The following TMEM272 variants were observed in gnomAD, a reference collection of about 807,000 sequenced individuals.
TMEM272 encodes the protein long intergenic non-protein coding RNA 282.
In TMEM272, 8 loss-of-function variants were observed where a neutral mutation model predicts 3.7. That is an observed-to-expected ratio of 2.17 (90% confidence interval 1.27 to 3.91). The LOEUF is 3.91. TMEM272 is among the 30% of genes most tolerant of loss of function. The probability of loss-of-function intolerance (pLI) is 0.00; values close to 1 mark genes in which losing one functional copy is unlikely to be tolerated. For synonymous variants in TMEM272, 63 were observed against 39.8 expected (o/e 1.58, Z -2.20); for missense variants, 166 against 91.5 (o/e 1.81, Z -3.32).
the TMEM272 span, among the ~76,000 whole-genome samples, chr13:51,873,086 CG>C: frequency 6.6e-6 from 1 of 152,062 alleles, no homozygotes; most frequent in Non-Finnish European, 1.5e-5. Context: ...ATGGAGCAGT[CG>C]GAAGTCATTA....
At chr13:51,913,719 C>A in the TMEM272 span, among the ~76,000 whole-genome samples, 2 of 152,204 alleles carry the variant, frequency 1.3e-5, no homozygotes. Flanking sequence ...CCAGGAAATA[C>A]AGCCTGCCCT....
chr13:51,892,245 G>C, the TMEM272 span, among the ~76,000 whole-genome samples: 1 of 152,180 alleles, frequency 6.6e-6, no homozygotes, highest in South Asian at 2.1e-4. Context: ...ATCTTTTCCT[G>C]TCAACCATCA....
At chr13:51,850,042 A>G (rs961087865), upstream of TMEM272, among the ~76,000 whole-genome samples, 2 of 152,174 alleles carry the variant, frequency 1.3e-5, no homozygotes, top group South Asian at 2.1e-4. Flanking sequence ...TATTGAGACT[A>G]AAAAACAAAA....
the TMEM272 span, among the ~76,000 whole-genome samples, chr13:51,913,255 T>G: frequency 6.6e-6 from 1 of 152,234 alleles, no homozygotes; most frequent in Non-Finnish European, 1.5e-5. Context: ...AAAAAAATTC[T>G]ACTGAGATAC....
chr13:51,919,638 C>T, the TMEM272 span, among the ~76,000 whole-genome samples: 1 of 152,210 alleles, frequency 6.6e-6, no homozygotes, highest in Non-Finnish European at 1.5e-5. Context: ...ATTCTGAATG[C>T]TGCAGAGTAA....
chr13:51,874,587 C>T, the TMEM272 span, among the ~76,000 whole-genome samples: 1 of 152,200 alleles, frequency 6.6e-6, no homozygotes, highest in East Asian at 1.9e-4. Flanking sequence ...AGGTTTGTAT[C>T]CAGGCCTTAT....
chr13:51,883,887 C>A, the TMEM272 span, among the ~76,000 whole-genome samples: 76 of 152,288 alleles, frequency 5.0e-4, no homozygotes, highest in East Asian at 0.01. Context: ...TCCCTTGATA[C>A]ATCCATTCCT....
the TMEM272 span, chr13:51,933,584 C>T: frequency 0.36 from 54,131 of 152,128 alleles, 11,325 homozygotes; most frequent in Non-Finnish European, 0.47. Flanking sequence ...GCCAGGTAAA[C>T]AGATGCTCCC....
intron 2 of TMEM272, among the ~76,000 whole-genome samples, chr13:51,828,949 C>T (rs958602172): frequency 2.6e-5 from 4 of 152,158 alleles, no homozygotes; most frequent in Non-Finnish European, 4.4e-5. Context: ...ACAGGAACAA[C>T]GAAGGAACTC....
chr13:51,859,758 T>G, the TMEM272 span, among the ~76,000 whole-genome samples: 1 of 152,158 alleles, frequency 6.6e-6, no homozygotes, highest in East Asian at 1.9e-4. Flanking sequence ...AGTGGAAATC[T>G]CATTTTTAGT....
At chr13:51,932,152 T>A in the TMEM272 span, among the ~76,000 whole-genome samples, 7 of 152,040 alleles carry the variant, frequency 4.6e-5, no homozygotes, top group Non-Finnish European at 8.8e-5. Flanking sequence ...TGGGTGAAGA[T>A]TACACTGTCA....
chr13:51,928,095 G>C, the TMEM272 span, among the ~76,000 whole-genome samples: 1 of 152,166 alleles, frequency 6.6e-6, no homozygotes, highest in South Asian at 2.1e-4. Context: ...CAAGAACCAA[G>C]AGAACTGGGG....
chr13:51,916,614 C>A, the TMEM272 span, among the ~76,000 whole-genome samples: 2 of 152,196 alleles, frequency 1.3e-5, no homozygotes, highest in Non-Finnish European at 2.9e-5. Context: ...ACTGACCCAG[C>A]CCTCTTTCCT....
chr13:51,917,141 T>C, the TMEM272 span, among the ~76,000 whole-genome samples: 1 of 152,322 alleles, frequency 6.6e-6, no homozygotes, highest in Non-Finnish European at 1.5e-5. Flanking sequence ...AGTCCCACAC[T>C]GCACCTGCAA....
At chr13:51,844,577 T>C (rs1186225316) in intron 1 of TMEM272, among the ~76,000 whole-genome samples, 1 of 152,080 alleles carries the variant, frequency 6.6e-6, no homozygotes, top group African/African-American at 2.4e-5. Flanking sequence ...ACAACCTCCC[T>C]AGGATGCCTT....
At chr13:51,829,347 C>T (rs958509042) in intron 2 of TMEM272, among the ~76,000 whole-genome samples, 1 of 152,096 alleles carries the variant, frequency 6.6e-6, no homozygotes. Context: ...AAGGAAAAAG[C>T]TTTTTATATT....
chr13:51,824,161 G>T (rs1956103485), intron 3 of TMEM272, among the ~76,000 whole-genome samples: 1 of 152,172 alleles, frequency 6.6e-6, no homozygotes, highest in African/African-American at 2.4e-5. Flanking sequence ...TGCACAGATG[G>T]CTTAAAACGA....
At chr13:51,870,892 A>G in the TMEM272 span, among the ~76,000 whole-genome samples, 1 of 152,232 alleles carries the variant, frequency 6.6e-6, no homozygotes, top group African/African-American at 2.4e-5. Context: ...TGTAGAAGAC[A>G]GGAGGTTTAT....
chr13:51,917,618 T>A, the TMEM272 span, among the ~76,000 whole-genome samples: 1 of 152,170 alleles, frequency 6.6e-6, no homozygotes, highest in Non-Finnish European at 1.5e-5. Flanking sequence ...AGGACAGTGT[T>A]CCTCAGGGCT....
Sources: allele counts gnomAD v4.1 joint callset (sites outside exome capture counted in the v4.1 genomes callset), GRCh38; gene constraint gnomAD v4.1.1; transcripts MANE v1.5; gene names NCBI Gene and HGNC (gene_info 2026-07-23, HGNC 2026-07-21).